RUNX2: variants seen among roughly 807,000 people sequenced by gnomAD.
RUNX2 encodes the protein RUNX family transcription factor 2, also known as runt-related transcription factor 2.
RUNX2 carries 10 observed loss-of-function variants against 51.7 expected under a neutral mutation model. The ratio of observed to expected loss-of-function variants is 0.19; its 90% CI spans 0.12 to 0.33. The LOEUF (loss-of-function observed/expected upper bound fraction) is 0.33, where lower values mean the gene tolerates loss of function less well. RUNX2 is among the 10% of genes least tolerant of loss of function. The pLI is 1.00. For synonymous variants in RUNX2, 276 were observed against 273.6 expected (o/e 1.01, Z -0.09); for missense variants, 562 against 691.3 (o/e 0.81, Z 2.10).
chr6:45,478,261 AG>A (rs1337479540), intron 5 of RUNX2, among the ~76,000 whole-genome samples: 4 of 152,208 alleles, frequency 2.6e-5, no homozygotes, highest in Non-Finnish European at 4.4e-5. Context: ...ACCCTAGTTT[AG>A]CATAGTTCAT....
Position 45,382,565 on chromosome 6 carries a change from C to T in RUNX2, c.59-40028C>T, listed in dbSNP as rs551682360. Among the ~76,000 whole-genome samples the T allele has an allele frequency of 5.9e-5, 9 of 152,184 alleles. No individual in the cohort carries two copies. The East Asian group carries it at 1.4e-3, about 23-fold the overall frequency. Reference sequence around the variant, plus strand: ...GACTATGAGAACAACTTGTGCAAACCGTAGGGTGGGGACAGGTCTGGTAAG... The same window carrying T: ...GACTATGAGAACAACTTGTGCAAACTGTAGGGTGGGGACAGGTCTGGTAAG... On this transcript the variant is annotated intron_variant, in intron 2 of 8. Transcript: ENST00000647337.
At chr6:45,452,928 A>G (rs1366066327) in intron 5 of RUNX2, among the ~76,000 whole-genome samples, 3 of 152,158 alleles carry the variant, frequency 2.0e-5, no homozygotes, top group East Asian at 1.9e-4. Flanking sequence ...CTTAGCCACT[A>G]CACTTTACCC....
intron 2 of RUNX2, among the ~76,000 whole-genome samples, chr6:45,376,445 A>G (rs1294856857): frequency 6.6e-6 from 1 of 152,244 alleles, no homozygotes; most frequent in Non-Finnish European, 1.5e-5. Context: ...TAATTTATGA[A>G]TAAAATTAAA....
chr6:45,360,528 A>G (rs11966878), intron 2 of RUNX2, among the ~76,000 whole-genome samples: 33,348 of 151,964 alleles, frequency 0.22, 4,480 homozygotes, highest in Non-Finnish European at 0.31. Context: ...TTCAGAGACT[A>G]TACATATCAG....
chr6:45,423,876 T>A (rs985524115), intron 3 of RUNX2, among the ~76,000 whole-genome samples: 1 of 152,188 alleles, frequency 6.6e-6, no homozygotes, highest in Non-Finnish European at 1.5e-5. Context: ...GGGCCGCTTC[T>A]TCCAGCCGGG....
intron 7 of RUNX2, among the ~76,000 whole-genome samples, chr6:45,534,360 A>G (rs1801964533): frequency 6.6e-6 from 1 of 152,220 alleles, no homozygotes; most frequent in African/African-American, 2.4e-5. Context: ...AAGCTTCCTT[A>G]TCAATGGGTG....
At chr6:45,424,026 G>C (rs1440954755) in intron 3 of RUNX2, among the ~76,000 whole-genome samples, 1 of 152,258 alleles carries the variant, frequency 6.6e-6, no homozygotes, top group African/African-American at 2.4e-5. Flanking sequence ...ATCTAAAAAA[G>C]ATCCCTCCTG....
chr6:45,404,299 GGAAAAAAAAGAAAAAA>G (rs1563071157), intron 2 of RUNX2, among the ~76,000 whole-genome samples: 1 of 124,298 alleles, frequency 8.0e-6, no homozygotes, highest in East Asian at 2.1e-4. Flanking sequence ...AAAAAAAAAA[GGAAAAAAAAGAAAAAA>G]GAAAAAAAAG....
chr6:45,361,388 T>C (rs944508720), intron 2 of RUNX2, among the ~76,000 whole-genome samples: 1 of 152,170 alleles, frequency 6.6e-6, no homozygotes, highest in East Asian at 1.9e-4. Flanking sequence ...GGCATCATTA[T>C]CATCAGGCCT....
intron 2 of RUNX2, among the ~76,000 whole-genome samples, chr6:45,389,237 A>T (rs1363858524): frequency 6.6e-6 from 1 of 152,256 alleles, no homozygotes; most frequent in African/African-American, 2.4e-5. Flanking sequence ...TTTATATTGC[A>T]TACCAATAAT....
intron 2 of RUNX2, among the ~76,000 whole-genome samples, chr6:45,383,400 G>T (rs188677536): frequency 6.6e-6 from 1 of 152,020 alleles, no homozygotes; most frequent in South Asian, 2.1e-4. Context: ...TAGCGCCACC[G>T]CACTCCAGCC....
intron 7 of RUNX2, among the ~76,000 whole-genome samples, chr6:45,528,836 G>T (rs1423874809): frequency 6.6e-6 from 1 of 152,234 alleles, no homozygotes; most frequent in Non-Finnish European, 1.5e-5. Flanking sequence ...ACCAGCACTT[G>T]TCCTCCCTGT....
chr6:45,503,069 A>AT (rs1209454766), intron 6 of RUNX2, among the ~76,000 whole-genome samples: 1 of 152,184 alleles, frequency 6.6e-6, no homozygotes, highest in African/African-American at 2.4e-5. Context: ...TATGCTTGTC[A>AT]TTCAGGTCTT....
intron 5 of RUNX2, among the ~76,000 whole-genome samples, chr6:45,470,251 A>G (rs1331856895): frequency 6.6e-6 from 1 of 152,212 alleles, no homozygotes; most frequent in African/African-American, 2.4e-5. Context: ...GACCATGTAA[A>G]GTGATCCAAG....
In RUNX2 at chr6:45,548,685, A is replaced by C. The variant is rs1305786609; in HGVS notation, c.*1380A>C. On this transcript the variant is annotated 3_prime_UTR_variant, in exon 9 of 9. Transcript: ENST00000647337. ...TAGTTAAGCAAAACTCTAAATCGCC[A>C]GGCTTCATAGCAAAGACATAGTCAG... 1 of 154,952 alleles carries C rather than the reference A, an allele frequency of 6.5e-6. No individual in the cohort carries two copies. Among genetic ancestry groups the C allele is most frequent in the African/African-American group, 2.4e-5 (1 of 41,566 alleles). 9.6% of individuals were successfully genotyped at this position (154,952 alleles called of 1,614,324 possible).
chr6:45,453,190 A>C (rs1799223650), intron 5 of RUNX2, among the ~76,000 whole-genome samples: 1 of 152,178 alleles, frequency 6.6e-6, no homozygotes, highest in South Asian at 2.1e-4. Context: ...GGAAAAGCCA[A>C]CCTAAAGGGG....
At chr6:45,496,745 T>C (rs914571509) in intron 6 of RUNX2, among the ~76,000 whole-genome samples, 2 of 152,156 alleles carry the variant, frequency 1.3e-5, no homozygotes, top group East Asian at 1.9e-4. Flanking sequence ...GTCATTTACA[T>C]GCATAATAAA....
intron 5 of RUNX2, among the ~76,000 whole-genome samples, chr6:45,474,059 A>T (rs888628885): frequency 6.6e-6 from 1 of 152,204 alleles, no homozygotes; most frequent in Admixed American, 6.5e-5. Flanking sequence ...AATCCAGTGA[A>T]ATATGATTTG....
At chr6:45,500,886 T>G (rs1037422059) in intron 6 of RUNX2, among the ~76,000 whole-genome samples, 17 of 152,228 alleles carry the variant, frequency 1.1e-4, no homozygotes, top group Non-Finnish European at 2.4e-4. Context: ...CAGTTTCCCA[T>G]GTGGGGGAAT....
Sources: gnomAD v4.1 joint callset for allele counts (sites outside exome capture counted in the v4.1 genomes callset) on GRCh38, gnomAD v4.1.1 for gene constraint, MANE v1.5 for transcripts, NCBI Gene and HGNC (gene_info 2026-07-23, HGNC 2026-07-21) for gene names.